The following MSRA variants were observed in gnomAD, a reference collection of about 807,000 sequenced individuals.
MSRA encodes methionine sulfoxide reductase A.
A neutral mutation model predicts 31.3 loss-of-function variants in MSRA; 54 were observed. The ratio of observed to expected loss-of-function variants is 1.73; its 90% CI spans 1.39 to 2.17. The LOEUF is 2.17. Ranked by LOEUF, MSRA falls within the 30% of genes most tolerant of loss-of-function variation. The probability of loss-of-function intolerance (pLI) is 0.00; values close to 1 mark genes in which losing one functional copy is unlikely to be tolerated. For missense variants in MSRA, 507 were observed against 300.9 expected, an observed-to-expected ratio of 1.69 and a Z score of -5.07; for synonymous variants, 169 against 116.5, an observed-to-expected ratio of 1.45 and a Z score of -2.90.
chr8:10,102,055 TC>T (rs1799563558), intron 1 of MSRA, among the ~76,000 whole-genome samples: 1 of 152,216 alleles, frequency 6.6e-6, no homozygotes, highest in African/African-American at 2.4e-5. Context: ...CTCACTACTT[TC>T]AAAATCTTGC....
chr8:10,385,888 C>G (rs1372352216), intron 5 of MSRA, among the ~76,000 whole-genome samples: 1 of 152,044 alleles, frequency 6.6e-6, no homozygotes, highest in Non-Finnish European at 1.5e-5. Context: ...AGGAAACTGC[C>G]TGGGTGACCA....
chr8:10,357,490 A>G (rs750455345), intron 5 of MSRA, among the ~76,000 whole-genome samples: 1 of 152,144 alleles, frequency 6.6e-6, no homozygotes. Context: ...TGCAATTACT[A>G]TCTTTATTGA....
intron 1 of MSRA, among the ~76,000 whole-genome samples, chr8:10,113,292 C>CTTTTTTTTTTGTTTTTTTTTTTTTTTT (rs1800429483): frequency 1.7e-5 from 1 of 57,606 alleles, no homozygotes; most frequent in Non-Finnish European, 2.9e-5. Flanking sequence ...GACAGGTCTT[C>CTTTTTTTTTTGTTTTTTTTTTTTTTTT]TTTTTTTTTT....
intron 2 of MSRA, among the ~76,000 whole-genome samples, chr8:10,227,014 A>T (rs1811058389): frequency 6.6e-6 from 1 of 152,194 alleles, no homozygotes; most frequent in South Asian, 2.1e-4. Context: ...CCACGAGCAG[A>T]GGTCATTCTG....
At chr8:10,242,358 T>C (rs1350069268) in intron 2 of MSRA, among the ~76,000 whole-genome samples, 1 of 151,952 alleles carries the variant, frequency 6.6e-6, no homozygotes, top group Non-Finnish European at 1.5e-5. Flanking sequence ...GATGATAAAG[T>C]GTAAGAAACA....
chr8:10,054,792 A>C (rs1322633965), intron 1 of MSRA, 134 bp downstream of exon 1: 1 of 1,032,148 alleles, frequency 9.7e-7, no homozygotes. Flanking sequence ...GGGTCTGCGC[A>C]GGCGCGAAGG....
At chr8:10,183,805 G>GTGC (rs1250001728) in intron 1 of MSRA, among the ~76,000 whole-genome samples, 6 of 148,724 alleles carry the variant, frequency 4.0e-5, no homozygotes, top group African/African-American at 1.3e-4. Context: ...GGTGGTGGTG[G>GTGC]TGGTGCTGCT....
intron 4 of MSRA, among the ~76,000 whole-genome samples, chr8:10,303,589 G>C (rs1009159336): frequency 6.6e-6 from 1 of 152,204 alleles, no homozygotes; most frequent in Non-Finnish European, 1.5e-5. Flanking sequence ...TGAATTCAGA[G>C]AACCACTCAT....
At chr8:10,085,731 C>T (rs560830093) in intron 1 of MSRA, among the ~76,000 whole-genome samples, 3 of 152,330 alleles carry the variant, frequency 2.0e-5, no homozygotes, top group African/African-American at 7.2e-5. Context: ...AAAGTTGTCT[C>T]CTGCCTCTTT....
At chr8:10,308,313 G>A (rs559119048) in intron 4 of MSRA, among the ~76,000 whole-genome samples, 38 of 152,152 alleles carry the variant, frequency 2.5e-4, no homozygotes, top group East Asian at 1.2e-3. Context: ...TAATTAAAAC[G>A]TCTTTAATCA....
intron 3 of MSRA, among the ~76,000 whole-genome samples, chr8:10,286,579 A>G (rs1349619402): frequency 6.6e-6 from 1 of 152,220 alleles, no homozygotes; most frequent in Non-Finnish European, 1.5e-5. Context: ...CAGCATGAAA[A>G]CAGACTAATA....
intron 2 of MSRA, among the ~76,000 whole-genome samples, chr8:10,211,875 A>G (rs1187864015): frequency 2.6e-5 from 4 of 152,278 alleles, no homozygotes; most frequent in Non-Finnish European, 4.4e-5. Context: ...AGCACAGACC[A>G]GCTACTCATT....
chr8:10,417,957 C>G (rs1384629577), intron 5 of MSRA, among the ~76,000 whole-genome samples: 1 of 152,052 alleles, frequency 6.6e-6, no homozygotes, highest in Non-Finnish European at 1.5e-5. Flanking sequence ...ATCCACATGC[C>G]CGCGTCCTGC....
At chr8:10,060,306 G>A (rs1802636917) in intron 1 of MSRA, among the ~76,000 whole-genome samples, 1 of 152,188 alleles carries the variant, frequency 6.6e-6, no homozygotes, top group African/African-American at 2.4e-5. Flanking sequence ...CTGTGTGAAT[G>A]GGTATGGAGG....
intron 5 of MSRA, among the ~76,000 whole-genome samples, chr8:10,354,472 T>C (rs147902461): frequency 6.6e-6 from 1 of 152,334 alleles, no homozygotes; most frequent in East Asian, 1.9e-4. Flanking sequence ...TTTATGTTTA[T>C]AGTGGAAAAC....
At chr8:10,172,678 G>C (rs1297092417) in intron 1 of MSRA, among the ~76,000 whole-genome samples, 1 of 152,170 alleles carries the variant, frequency 6.6e-6, no homozygotes, top group Non-Finnish European at 1.5e-5. Context: ...GAACTTCTAA[G>C]AATCTAGGGC....
Position 10,258,095 on chromosome 8 carries a change from G to A in MSRA, c.331+12872G>A, listed in dbSNP as rs566205296. Among the ~76,000 whole-genome samples the A allele has an allele frequency of 4.2e-4, 64 of 152,332 alleles. 1 individual carries two copies. The highest frequency in any genetic ancestry group is 1.4e-3 in the African/African-American group (59 of 41,570). ...TTTCATAACAGCTGGGGGATAGGGA[G>A]GGGGTAGGCTAGTGTCCCTGTTTTT... On this transcript the variant is annotated intron_variant, in intron 3 of 5. Coordinates refer to ENST00000317173, the MANE Select transcript of MSRA (RefSeq NM_012331.5).
chr8:10,120,533 A>G (rs912980686), intron 1 of MSRA, among the ~76,000 whole-genome samples: 2 of 152,192 alleles, frequency 1.3e-5, no homozygotes, highest in African/African-American at 4.8e-5. Flanking sequence ...CTTATGTTTT[A>G]TCCAGCGTTA....
intron 4 of MSRA, among the ~76,000 whole-genome samples, chr8:10,302,945 T>C (rs1446595746): frequency 6.6e-6 from 1 of 152,174 alleles, no homozygotes; most frequent in Admixed American, 6.5e-5. Flanking sequence ...GGAAGGCAGG[T>C]CTGTGGGCCT....
Sources: allele counts gnomAD v4.1 joint callset (sites outside exome capture counted in the v4.1 genomes callset), GRCh38; gene constraint gnomAD v4.1.1; transcripts MANE v1.5; gene names NCBI Gene and HGNC (gene_info 2026-07-23, HGNC 2026-07-21).